The following EXOC4 variants were observed in gnomAD, a reference collection of about 807,000 sequenced individuals.
EXOC4 encodes SEC8-like 1.
In EXOC4, 71 loss-of-function variants were observed where a neutral mutation model predicts 107.2. The observed-to-expected ratio is 0.66, with a 90% CI of 0.55 to 0.81. The LOEUF (loss-of-function observed/expected upper bound fraction) is 0.81. Among genes scored for constraint, EXOC4 ranks in the 30% least tolerant of loss-of-function variants. EXOC4 has a pLI of 0.00. For synonymous variants in EXOC4, 456 were observed against 441.2 expected (o/e 1.03, Z -0.42); for missense variants, 1,108 against 1,189.6 (o/e 0.93, Z 1.01).
At chr7:133,367,409 C>G (rs566796905) in intron 6 of EXOC4, among the ~76,000 whole-genome samples, 1 of 152,054 alleles carries the variant, frequency 6.6e-6, no homozygotes, top group African/African-American at 2.4e-5. Context: ...ACAAGTGCCG[C>G]GGCTATTTGA....
chr7:133,486,445 G>T (rs1554461455), intron 9 of EXOC4, among the ~76,000 whole-genome samples: 1 of 152,032 alleles, frequency 6.6e-6, no homozygotes, highest in South Asian at 2.1e-4. Flanking sequence ...TTGAAGTGAG[G>T]TGCATTATTT....
intron 8 of EXOC4, among the ~76,000 whole-genome samples, chr7:133,477,957 G>A (rs185139082): frequency 6.6e-6 from 1 of 152,178 alleles, no homozygotes; most frequent in East Asian, 1.9e-4. Context: ...TTTCCAGCTG[G>A]AGAGGAAGCC....
At chr7:133,847,336 T>C (rs1334719320) in intron 11 of EXOC4, among the ~76,000 whole-genome samples, 1 of 152,008 alleles carries the variant, frequency 6.6e-6, no homozygotes, top group African/African-American at 2.4e-5. Context: ...AAGGGCAATT[T>C]TTCTAGAGGG....
intron 14 of EXOC4, among the ~76,000 whole-genome samples, chr7:133,973,919 G>A (rs1793761564): frequency 6.6e-6 from 1 of 152,170 alleles, no homozygotes; most frequent in South Asian, 2.1e-4. Flanking sequence ...ATCACCCCCT[G>A]GTGGAAGGGG....
chr7:133,292,591 G>A (rs1360009001), intron 3 of EXOC4, among the ~76,000 whole-genome samples: 4 of 152,076 alleles, frequency 2.6e-5, no homozygotes, highest in Non-Finnish European at 5.9e-5. Context: ...AATACTGTCT[G>A]CCTGGAAAGT....
intron 10 of EXOC4, among the ~76,000 whole-genome samples, chr7:133,672,643 G>A (rs144221083): frequency 2.6e-5 from 4 of 152,180 alleles, no homozygotes; most frequent in African/African-American, 4.8e-5. Flanking sequence ...CAGTGTAGAG[G>A]TTAGGAAAAT....
At chr7:133,323,869 A>G (rs1795173472) in intron 5 of EXOC4, among the ~76,000 whole-genome samples, 1 of 152,176 alleles carries the variant, frequency 6.6e-6, no homozygotes, top group African/African-American at 2.4e-5. Flanking sequence ...TAAGCTATTA[A>G]TTATTGCCTC....
At chr7:133,640,073 ATATT>A (rs1320486136) in intron 10 of EXOC4, among the ~76,000 whole-genome samples, 2 of 152,162 alleles carry the variant, frequency 1.3e-5, no homozygotes, top group Non-Finnish European at 2.9e-5. Context: ...ATATTTTTAA[ATATT>A]TGTATATTTA....
chr7:133,908,610 T>G (rs1241063011), intron 12 of EXOC4, among the ~76,000 whole-genome samples: 1 of 152,190 alleles, frequency 6.6e-6, no homozygotes, highest in African/African-American at 2.4e-5. Flanking sequence ...ATTTCGCCTA[T>G]CAAATGGAAG....
intron 10 of EXOC4, among the ~76,000 whole-genome samples, chr7:133,759,208 A>G (rs1181847223): frequency 2.7e-5 from 4 of 148,964 alleles, no homozygotes; most frequent in African/African-American, 1.0e-4. Flanking sequence ...GTCTTGAACT[A>G]CTGGCTTCAA....
intron 7 of EXOC4, among the ~76,000 whole-genome samples, chr7:133,406,573 A>G (rs1011161440): frequency 4.6e-5 from 7 of 152,314 alleles, no homozygotes; most frequent in South Asian, 2.1e-4. Context: ...GCCTTTTGCA[A>G]TTTCCTTGCT....
intron 3 of EXOC4, among the ~76,000 whole-genome samples, chr7:133,299,536 C>G (rs775449894): frequency 6.6e-6 from 1 of 152,114 alleles, no homozygotes; most frequent in African/African-American, 2.4e-5. Flanking sequence ...TTAAGAATAG[C>G]TTAATAAAAT....
At chr7:133,360,745 G>C (rs923469997) in intron 6 of EXOC4, among the ~76,000 whole-genome samples, 1 of 152,058 alleles carries the variant, frequency 6.6e-6, no homozygotes, top group African/African-American at 2.4e-5. Flanking sequence ...TGCACCTCAA[G>C]TTATAGTGAA....
chr7:133,438,678 G>C (rs1798032388), intron 7 of EXOC4, among the ~76,000 whole-genome samples: 1 of 152,154 alleles, frequency 6.6e-6, no homozygotes, highest in African/African-American at 2.4e-5. Context: ...AGTCCACTAT[G>C]ACTACCACCT....
At chr7:133,971,405 G>GAGAGAGAGAGAGAGAGAA (rs1801234247) in intron 14 of EXOC4, among the ~76,000 whole-genome samples, 1 of 139,436 alleles carries the variant, frequency 7.2e-6, no homozygotes, top group Non-Finnish European at 1.5e-5. Flanking sequence ...GAGAGAGAAA[G>GAGAGAGAGAGAGAGAGAA]AGAGAGAGAA....
intron 9 of EXOC4, among the ~76,000 whole-genome samples, chr7:133,568,308 A>G (rs1800949981): frequency 6.6e-6 from 1 of 151,098 alleles, no homozygotes; most frequent in African/African-American, 2.4e-5. Context: ...TCCCATTTAT[A>G]CTTTGGCTTT....
intron 10 of EXOC4, among the ~76,000 whole-genome samples, chr7:133,739,803 T>C (rs1278564854): frequency 6.6e-6 from 1 of 152,202 alleles, no homozygotes; most frequent in East Asian, 1.9e-4. Context: ...ATAAGCCTTC[T>C]GCATAACTTC....
chr7:133,618,646 C>T (rs1455641772), intron 9 of EXOC4, among the ~76,000 whole-genome samples: 1 of 152,102 alleles, frequency 6.6e-6, no homozygotes, highest in African/African-American at 2.4e-5. Context: ...AAACATAGAA[C>T]ACTTAACCTT....
At chr7:133,538,363 C>T (rs940479245) in intron 9 of EXOC4, among the ~76,000 whole-genome samples, 5 of 152,122 alleles carry the variant, frequency 3.3e-5, no homozygotes, top group Admixed American at 6.5e-5. Flanking sequence ...CCTTTCCATC[C>T]GTAGCTTGAC....
Sources: allele counts gnomAD v4.1 joint callset (sites outside exome capture counted in the v4.1 genomes callset), GRCh38; gene constraint gnomAD v4.1.1; transcripts MANE v1.5; gene names NCBI Gene and HGNC (gene_info 2026-07-23, HGNC 2026-07-21).